C6: variants seen among roughly 807,000 people sequenced by gnomAD.
C6 encodes complement component C6.
C6 carries 101 observed loss-of-function variants against 112.9 expected under a neutral mutation model. The ratio of observed to expected loss-of-function variants is 0.89; its 90% CI spans 0.76 to 1.06. C6 has a LOEUF of 1.06. Ranked by LOEUF, C6 falls within the 50% of genes least tolerant of loss-of-function variation. C6 has a pLI of 0.00. For missense variants in C6, 1,202 were observed against 1,104.6 expected (o/e 1.09, Z -1.25); for synonymous variants, 431 against 384.1 (o/e 1.12, Z -1.43).
intron 6 of C6, among the ~76,000 whole-genome samples, chr5:41,184,184 GAAAAGTT>G (rs1321508549): frequency 6.6e-6 from 1 of 152,004 alleles, no homozygotes; most frequent in Non-Finnish European, 1.5e-5. Context: ...CAAAATTCCT[GAAAAGTT>G]AACAGTTGAC....
intron 7 of C6, among the ~76,000 whole-genome samples, chr5:41,177,340 A>G (rs1748940067): frequency 6.6e-6 from 1 of 152,224 alleles, no homozygotes; most frequent in African/African-American, 2.4e-5. Flanking sequence ...GCAGAAATAT[A>G]TGAGTTTTTT....
intron 1 of C6, among the ~76,000 whole-genome samples, chr5:41,209,367 C>T (rs1331049163): frequency 1.3e-5 from 2 of 152,058 alleles, no homozygotes; most frequent in Admixed American, 6.5e-5. Context: ...GAAGTTCTGG[C>T]CAGGGCAATC....
Position 41,251,916 on chromosome 5 carries a change from G to A in C6, c.-21+9278C>T, listed in dbSNP as rs147503860. Among the ~76,000 whole-genome samples the A allele has an allele frequency of 3.9e-3, 599 of 152,270 alleles. 4 individuals carry two copies. Among genetic ancestry groups the A allele is most frequent in the African/African-American group, 0.014 (581 of 41,558 alleles). On this transcript the variant is annotated intron_variant, in intron 1 of 17. Transcript: ENST00000263413. ...AAGTCTCTGCTAAGGGAAAAGATAT[G>A]GTTGGGAAATAAAGGGGCTGTAAAT...
chr5:41,251,885 C>A (rs928097974), intron 1 of C6, among the ~76,000 whole-genome samples: 4 of 151,960 alleles, frequency 2.6e-5, no homozygotes, highest in Admixed American at 2.0e-4. Flanking sequence ...AAGCAAAAAG[C>A]AAGTAAAGTC....
intron 9 of C6, among the ~76,000 whole-genome samples, chr5:41,166,968 C>T (rs535967273): frequency 6.6e-6 from 1 of 152,228 alleles, no homozygotes; most frequent in East Asian, 1.9e-4. Context: ...ATCCAGTTCT[C>T]ATTGCTTCAT....
chr5:41,177,146 G>A (rs1004022669), intron 7 of C6, among the ~76,000 whole-genome samples: 2 of 152,202 alleles, frequency 1.3e-5, no homozygotes, highest in African/African-American at 4.8e-5. Context: ...TGAGATTCAA[G>A]TTACAGCTTT....
chr5:41,218,655 T>C (rs1446296620), intron 1 of C6, among the ~76,000 whole-genome samples: 1 of 152,180 alleles, frequency 6.6e-6, no homozygotes, highest in Non-Finnish European at 1.5e-5. Context: ...CTCATGATTC[T>C]GCCCCTTGGA....
intron 1 of C6, among the ~76,000 whole-genome samples, chr5:41,226,573 A>G (rs1328658741): frequency 1.3e-5 from 2 of 152,106 alleles, no homozygotes; most frequent in African/African-American, 4.8e-5. Flanking sequence ...TCTAACTGAA[A>G]TTTTATGTCT....
At chr5:41,160,542 T>C (rs916468247) in intron 10 of C6, among the ~76,000 whole-genome samples, 175 bp from the exon 11 acceptor site, 6 of 152,174 alleles carry the variant, frequency 3.9e-5, no homozygotes, top group Non-Finnish European at 7.4e-5. Context: ...CTTCTACCTG[T>C]GGACAGGTGT....
chr5:41,210,420 G>A (rs1304039754), intron 1 of C6, among the ~76,000 whole-genome samples: 1 of 152,174 alleles, frequency 6.6e-6, no homozygotes, highest in Non-Finnish European at 1.5e-5. Flanking sequence ...TACCATCAGA[G>A]TGAACAGGCA....
At chr5:41,164,574 A>G (rs1029969072) in intron 9 of C6, among the ~76,000 whole-genome samples, 1 of 152,192 alleles carries the variant, frequency 6.6e-6, no homozygotes, top group Admixed American at 6.5e-5. Flanking sequence ...TTCCCTAGAA[A>G]CAATGAAAGG....
At position 41,158,973 on chromosome 5, in the gene C6, A is replaced by G. The variant is rs901264200; in HGVS notation, c.1856+109T>C. 2.2e-6 allele frequency: 3 copies of G among 1,369,090 alleles called. No individual in the cohort carries two copies. The African/African-American group carries it at 4.3e-5, about 20-fold the overall frequency. 84.8% of individuals were successfully genotyped at this position (1,369,090 alleles called of 1,614,324 possible). A position where few individuals can be genotyped will look rare whatever the true frequency, so the allele number is the denominator to read the frequency against. ...TTAATATTCTGTGTTGGCATAGGTAAAGTTCTAATTATTTCTTTACTTAGC... is the reference window on the plus strand; with the variant it reads ...TTAATATTCTGTGTTGGCATAGGTAGAGTTCTAATTATTTCTTTACTTAGC... On this transcript the variant is annotated intron_variant, in intron 12 of 17. Coordinates refer to ENST00000337836, the MANE Select transcript of C6 (RefSeq NM_000065.5).
intron 9 of C6, among the ~76,000 whole-genome samples, chr5:41,162,268 T>A (rs1456355355): frequency 6.6e-6 from 1 of 152,326 alleles, no homozygotes; most frequent in East Asian, 1.9e-4. Flanking sequence ...CTCTTTAATG[T>A]CAACCGCCCT....
At chr5:41,169,192 C>G (rs1319589318) in intron 9 of C6, among the ~76,000 whole-genome samples, 1 of 152,006 alleles carries the variant, frequency 6.6e-6, no homozygotes, top group Non-Finnish European at 1.5e-5. Flanking sequence ...TGAGGCTAGC[C>G]AAGGCAAAGA....
chr5:41,232,313 T>G (rs1161403118), intron 1 of C6, among the ~76,000 whole-genome samples: 1 of 152,078 alleles, frequency 6.6e-6, no homozygotes, highest in Non-Finnish European at 1.5e-5. Context: ...TACTCTGAGA[T>G]AGTGGAAAGC....
intron 7 of C6, among the ~76,000 whole-genome samples, chr5:41,180,085 G>T (rs4301263): frequency 0.89 from 135,239 of 152,234 alleles, 60,132 homozygotes; most frequent in Admixed American, 0.93. Flanking sequence ...TCTTAGAATT[G>T]TTTTGAGGAT....
intron 1 of C6, among the ~76,000 whole-genome samples, chr5:41,220,052 T>C (rs1246084540): frequency 3.9e-5 from 6 of 152,174 alleles, no homozygotes; most frequent in Non-Finnish European, 7.3e-5. Flanking sequence ...TGATGAATAG[T>C]TGTATTTTTT....
intron 1 of C6, among the ~76,000 whole-genome samples, chr5:41,258,333 T>A (rs545462091): frequency 2.0e-5 from 3 of 152,232 alleles, no homozygotes; most frequent in African/African-American, 7.2e-5. Context: ...ACTTATTCAA[T>A]TGTTTTTTGT....
intron 1 of C6, among the ~76,000 whole-genome samples, chr5:41,250,044 AG>A (rs1165688311): frequency 6.6e-6 from 1 of 152,230 alleles, no homozygotes; most frequent in Non-Finnish European, 1.5e-5. Flanking sequence ...CTGCATGCAC[AG>A]AGTCAATTCC....
Sources: allele counts gnomAD v4.1 joint callset (sites outside exome capture counted in the v4.1 genomes callset), GRCh38; gene constraint gnomAD v4.1.1; transcripts MANE v1.5; gene names NCBI Gene and HGNC (gene_info 2026-07-23, HGNC 2026-07-21).